Variants in EFHD1 observed in about 807,000 individuals in gnomAD.
EFHD1 encodes EF-hand domain-containing protein D1.
EFHD1 carries 10 observed loss-of-function variants against 17.2 expected under a neutral mutation model. That is an observed-to-expected ratio of 0.58 (90% confidence interval 0.36 to 0.99). The LOEUF is 0.99. Ranked by LOEUF, EFHD1 falls within the 50% of genes least tolerant of loss-of-function variation. The pLI, the probability that EFHD1 is intolerant of heterozygous loss-of-function variation, is 0.01. For missense variants in EFHD1, 310 were observed against 327.5 expected, an observed-to-expected ratio of 0.95 and a Z score of 0.41; for synonymous variants, 153 against 142.0, an observed-to-expected ratio of 1.08 and a Z score of -0.55.
chr2:232,636,201 A>G (rs1294844316), intron 1 of EFHD1, among the ~76,000 whole-genome samples: 2 of 152,306 alleles, frequency 1.3e-5, no homozygotes, highest in South Asian at 2.1e-4. Context: ...TTTGTTTTCT[A>G]TTGGATTACC....
chr2:232,666,650 C>G (rs1413985753), intron 2 of EFHD1, among the ~76,000 whole-genome samples: 1 of 152,188 alleles, frequency 6.6e-6, no homozygotes, highest in Non-Finnish European at 1.5e-5. Flanking sequence ...TCTTGGAAAT[C>G]TCCAAAGGGT....
At chr2:232,623,067 G>A (rs893272481) in intron 1 of EFHD1, among the ~76,000 whole-genome samples, 1 of 151,322 alleles carries the variant, frequency 6.6e-6, no homozygotes, top group Non-Finnish European at 1.5e-5. Flanking sequence ...TTTTTTTTGA[G>A]ATAGGGTCTT....
chr2:232,611,798 C>T (rs1334111476), intron 1 of EFHD1: 6 of 152,298 alleles, frequency 3.9e-5, no homozygotes, highest in African/African-American at 9.7e-5. Context: ...ATGTGGTTCC[C>T]GCAGCAGCCA....
intron 2 of EFHD1, among the ~76,000 whole-genome samples, chr2:232,671,329 C>T (rs181239840): frequency 6.6e-5 from 10 of 151,696 alleles, no homozygotes; most frequent in Admixed American, 3.3e-4. Flanking sequence ...GTCCCAGCTA[C>T]TCAGGAATCA....
chr2:232,650,769 A>T (rs1694637034), intron 1 of EFHD1, among the ~76,000 whole-genome samples: 1 of 151,304 alleles, frequency 6.6e-6, no homozygotes, highest in Admixed American at 6.6e-5. Context: ...GGGTTTTACC[A>T]TGTTGGCCAG....
chr2:232,661,325 C>G (rs1004009421), intron 1 of EFHD1, among the ~76,000 whole-genome samples: 3 of 152,084 alleles, frequency 2.0e-5, no homozygotes, highest in Non-Finnish European at 2.9e-5. Flanking sequence ...CCCTCTCTCC[C>G]AGCCCCTGGC....
chr2:232,626,697 T>C (rs1280312289), intron 1 of EFHD1, among the ~76,000 whole-genome samples: 2 of 152,200 alleles, frequency 1.3e-5, no homozygotes, highest in Non-Finnish European at 1.5e-5. Context: ...ATTTGTGCTG[T>C]TGTTTGTGAG....
intron 1 of EFHD1, among the ~76,000 whole-genome samples, chr2:232,644,446 T>C (rs1027653153): frequency 6.6e-6 from 1 of 151,982 alleles, no homozygotes; most frequent in African/African-American, 2.4e-5. Flanking sequence ...TTGGAGGCCT[T>C]TGTATAAGTC....
chr2:232,668,834 A>G (rs1695014356), intron 2 of EFHD1, among the ~76,000 whole-genome samples: 1 of 152,000 alleles, frequency 6.6e-6, no homozygotes, highest in Non-Finnish European at 1.5e-5. Flanking sequence ...GGGTTTCACC[A>G]TGTTGGTCAT....
At chr2:232,620,236 A>C (rs74698483) in intron 1 of EFHD1, among the ~76,000 whole-genome samples, 4,154 of 150,194 alleles carry the variant, frequency 0.028, 332 homozygotes, top group East Asian at 0.21. Flanking sequence ...AAAATACAAA[A>C]AATTAGCCGG....
chr2:232,622,337 C>T (rs776108235), intron 1 of EFHD1, among the ~76,000 whole-genome samples: 28 of 152,164 alleles, frequency 1.8e-4, no homozygotes, highest in Admixed American at 4.6e-4. Context: ...GGCATGGTGG[C>T]GGACGCCTGT....
chr2:232,622,321 T>C (rs1249606031), intron 1 of EFHD1, among the ~76,000 whole-genome samples: 2 of 151,116 alleles, frequency 1.3e-5, no homozygotes, highest in African/African-American at 2.4e-5. Flanking sequence ...TACAAAAAAT[T>C]AGCCAGGCAT....
At chr2:232,660,495 A>G (rs567228138) in intron 1 of EFHD1, among the ~76,000 whole-genome samples, 3 of 151,724 alleles carry the variant, frequency 2.0e-5, no homozygotes, top group Non-Finnish European at 4.4e-5. Context: ...CCACTGCGCC[A>G]GGCCTCTTTA....
intron 1 of EFHD1, among the ~76,000 whole-genome samples, chr2:232,661,158 CAAA>C (rs1010138305): frequency 3.3e-5 from 2 of 61,090 alleles, no homozygotes; most frequent in Admixed American, 4.1e-4. Context: ...AAAAAAAAAA[CAAA>C]AACAAAAAAA....
chr2:232,606,460 C>T (rs1448150262), intron 1 of EFHD1: 3 of 553,610 alleles, frequency 5.4e-6, no homozygotes, highest in African/African-American at 1.9e-5. Flanking sequence ...ATCGTCCTCC[C>T]CTGGAATGTC....
chr2:232,648,526 A>G (rs1694575415), intron 1 of EFHD1, among the ~76,000 whole-genome samples: 1 of 152,106 alleles, frequency 6.6e-6, no homozygotes, highest in African/African-American at 2.4e-5. Context: ...GAGAGGGACT[A>G]CAGTCCTGTG....
chr2:232,638,493 G>A, intron 1 of EFHD1: 1 of 470,600 alleles, frequency 2.1e-6, no homozygotes, highest in South Asian at 1.6e-5. Context: ...AGGTGAGGCT[G>A]TCGTGGAATT....
At chr2:232,650,422 G>A (rs928884180) in intron 1 of EFHD1, among the ~76,000 whole-genome samples, 1 of 150,656 alleles carries the variant, frequency 6.6e-6, no homozygotes, top group African/African-American at 2.4e-5. Context: ...AGCCTCCTGA[G>A]TAGCTGGGAT....
intron 3 of EFHD1, among the ~76,000 whole-genome samples, chr2:232,679,106 G>T (rs534152197): frequency 6.6e-6 from 1 of 152,230 alleles, no homozygotes; most frequent in East Asian, 1.9e-4. Context: ...TTATTTTTGT[G>T]GCTTAAGGGG....
Sources: gnomAD v4.1 joint callset for allele counts (sites outside exome capture counted in the v4.1 genomes callset) on GRCh38, gnomAD v4.1.1 for gene constraint, MANE v1.5 for transcripts, NCBI Gene and HGNC (gene_info 2026-07-23, HGNC 2026-07-21) for gene names.